JHY: variants seen among roughly 807,000 people sequenced by gnomAD.
The protein encoded by JHY is junctional cadherin complex regulator.
JHY carries 69 observed loss-of-function variants against 78.0 expected under a neutral mutation model. The observed-to-expected ratio is 0.88, with a 90% CI of 0.73 to 1.08. JHY has a LOEUF of 1.08. JHY is among the 50% of genes least tolerant of loss of function. The probability of loss-of-function intolerance (pLI) is 0.00; values close to 1 mark genes in which losing one functional copy is unlikely to be tolerated. For missense variants in JHY, 944 were observed against 927.8 expected, an observed-to-expected ratio of 1.02 and a Z score of -0.23; for synonymous variants, 368 against 342.6, an observed-to-expected ratio of 1.07 and a Z score of -0.82.
chr11:122,949,994 C>T lies in JHY; in HGVS notation c.1929+3202C>T, dbSNP rs539735958. Reference sequence around the variant, plus strand: ...GATTACAGGCGCACACCACTACACCCGGCTGATTTTTGTATTTTTAGTAGA... The same window carrying T: ...GATTACAGGCGCACACCACTACACCTGGCTGATTTTTGTATTTTTAGTAGA... On this transcript the variant is annotated intron_variant, in intron 6 of 8. Coordinates refer to ENST00000227349, the MANE Select transcript of JHY (RefSeq NM_024806.4). Among the ~76,000 whole-genome samples, 9 of 152,032 alleles carry T rather than the reference C, an allele frequency of 5.9e-5. No individual in the cohort carries two copies. In the South Asian group the frequency reaches 6.2e-4, roughly 11 times the overall value.
intron 3 of JHY, among the ~76,000 whole-genome samples, chr11:122,915,194 C>T (rs957951895): frequency 2.0e-5 from 3 of 152,080 alleles, no homozygotes; most frequent in Admixed American, 6.6e-5. Flanking sequence ...CATATTGCAC[C>T]GTTCTGTAGT....
chr11:122,926,200 A>AAAG (rs1863497566), intron 4 of JHY, among the ~76,000 whole-genome samples: 3 of 90,382 alleles, frequency 3.3e-5, no homozygotes. Context: ...AAAAAAAAAA[A>AAAG]AAAAAAGAAA....
chr11:122,908,064 T>C (rs1863033025), intron 3 of JHY, among the ~76,000 whole-genome samples: 1 of 152,172 alleles, frequency 6.6e-6, no homozygotes, highest in African/African-American at 2.4e-5. Context: ...ATTCCCTAGA[T>C]GAACCACTGA....
chr11:122,939,756 T>G (rs1863834008), intron 5 of JHY, among the ~76,000 whole-genome samples: 1 of 152,162 alleles, frequency 6.6e-6, no homozygotes, highest in South Asian at 2.1e-4. Flanking sequence ...TTTCTATCTA[T>G]TTACTGAATC....
chr11:122,898,033 T>C lies in JHY; in HGVS notation c.345-5892T>C, dbSNP rs1347433092. Among the ~76,000 whole-genome samples, 1 of 152,248 alleles carries C rather than the reference T, an allele frequency of 6.6e-6. No individual in the cohort carries two copies. The highest frequency in any genetic ancestry group is 1.9e-4 in the East Asian group (1 of 5,204). On this transcript the variant is annotated intron_variant, in intron 2 of 8. Coordinates refer to ENST00000227349, the MANE Select transcript of JHY (RefSeq NM_024806.4). The surrounding 1 kb of genome is among the most constrained non-coding windows in gnomAD (Gnocchi z 4.4). ...TGGAAATAAGAGGCTAACATATTTT[T>C]GTGATAAGTCACATCCTCCTGTTTT...
At position 122,886,000 on chromosome 11, in the gene JHY, A is replaced by G. The variant is rs1450088689; in HGVS notation, c.151A>G (p.Thr51Ala). Residue 51 changes from threonine (T) to alanine (A), a missense_variant, in exon 2 of 9, where the codon ACG (threonine) becomes GCG (alanine). Physicochemically the swap from Thr to Ala is moderately conservative, Grantham distance 58. Coordinates refer to ENST00000227349, the MANE Select transcript of JHY (RefSeq NM_024806.4). ...DSLESDSESLTQEIMCHSEFD... is the reference protein window; with the variant it reads ...DSLESDSESLAQEIMCHSEFD... Reference sequence around the variant, plus strand: ...CTTGGAATCTGATTCAGAAAGCCTCACGCAAGAGATTATGTGCCATTCTGA... The same window carrying G: ...CTTGGAATCTGATTCAGAAAGCCTCGCGCAAGAGATTATGTGCCATTCTGA... 5 of 1,614,202 alleles carry G rather than the reference A, an allele frequency of 3.1e-6. No homozygotes were observed. The highest frequency in any genetic ancestry group is 4.2e-6 in the Non-Finnish European group (5 of 1,180,026).
chr11:122,901,280 A>G (rs3134399), intron 2 of JHY, among the ~76,000 whole-genome samples: 145,669 of 152,292 alleles, frequency 0.96, 69,716 homozygotes, highest in Middle Eastern at 0.99. Context: ...AGGACTGTAC[A>G]TTTCTCTGGG....
chr11:122,906,939 A>G (rs930573161), intron 3 of JHY, among the ~76,000 whole-genome samples: 1 of 152,146 alleles, frequency 6.6e-6, no homozygotes, highest in African/African-American at 2.4e-5. Flanking sequence ...ACCATTTTCC[A>G]ATATATATGT....
intron 3 of JHY, among the ~76,000 whole-genome samples, chr11:122,911,905 C>CAAAAAAAAAAA (rs59941995): frequency 2.0e-4 from 10 of 49,736 alleles, no homozygotes; most frequent in South Asian, 1.5e-3. Flanking sequence ...AACTCTGTCT[C>CAAAAAAAAAAA]AAAAAAAAAA....
chr11:122,913,974 T>G (rs1431135293), intron 3 of JHY, among the ~76,000 whole-genome samples: 2 of 152,248 alleles, frequency 1.3e-5, no homozygotes, highest in Non-Finnish European at 2.9e-5. Flanking sequence ...ACTTGTGCTG[T>G]TAAACACTGG....
chr11:122,892,415 T>C (rs1862640083), intron 2 of JHY, among the ~76,000 whole-genome samples: 2 of 151,804 alleles, frequency 1.3e-5, no homozygotes, highest in South Asian at 4.2e-4. Flanking sequence ...CTCCGCCTCC[T>C]GGGTTCAAGC....
chr11:122,924,696 C>T (rs745613062), intron 3 of JHY, among the ~76,000 whole-genome samples: 1 of 152,152 alleles, frequency 6.6e-6, no homozygotes, highest in Non-Finnish European at 1.5e-5. Flanking sequence ...CTCTTCGTGT[C>T]TGCAAGAGAA....
intron 1 of JHY, among the ~76,000 whole-genome samples, chr11:122,885,325 A>G (rs1257842666): frequency 6.6e-6 from 1 of 152,166 alleles, no homozygotes; most frequent in African/African-American, 2.4e-5. Context: ...TTACTTTCCA[A>G]AACATAGCCC....
At chr11:122,956,784 C>A (rs1398162628) in intron 7 of JHY, among the ~76,000 whole-genome samples, 2 of 152,180 alleles carry the variant, frequency 1.3e-5, no homozygotes, top group East Asian at 3.9e-4. Flanking sequence ...TTTTATGTAT[C>A]TGTCTTTCAG....
At position 122,889,940 on chromosome 11, in the gene JHY, T is replaced by A. The variant is rs559724605; in HGVS notation, c.344+3747T>A. Among the ~76,000 whole-genome samples the A allele has an allele frequency of 9.9e-5, 15 of 152,108 alleles. No individual in the cohort carries two copies. In the East Asian group the frequency reaches 2.5e-3, roughly 25 times the overall value. On this transcript the variant is annotated intron_variant, in intron 2 of 8. Coordinates refer to ENST00000227349, the MANE Select transcript of JHY (RefSeq NM_024806.4). ...TTTTCTACTTTTAGTAGAGATGGGG[T>A]CTTACCACATTGCCCAGGCTGTCCT...
chr11:122,885,765 C>A lies in JHY; in HGVS notation c.-85C>A, dbSNP rs1383291994. The A allele has an allele frequency of 9.5e-6, 10 of 1,052,818 alleles. No individual in the cohort carries two copies. The highest frequency in any genetic ancestry group is 1.4e-5 in the Non-Finnish European group (10 of 720,318). The allele number at this position is 1,052,818 out of a possible 1,614,324, so 65.2% of individuals were successfully genotyped here. A position where few individuals can be genotyped will look rare whatever the true frequency, so the allele number is the denominator to read the frequency against. ...CATAAATATATTTTTTTTCAGGTAA[C>A]GCTTTTGTGAACCACAACTTTAAAT... is the stretch of plus-strand genomic sequence containing the variant. On this transcript the variant is annotated 5_prime_UTR_variant, in exon 2 of 9. Transcript: ENST00000227349.
chr11:122,931,671 C>G (rs1863639355), intron 4 of JHY, among the ~76,000 whole-genome samples: 1 of 152,200 alleles, frequency 6.6e-6, no homozygotes, highest in African/African-American at 2.4e-5. Context: ...GCACAACTCT[C>G]AGGACTCCAC....
intron 3 of JHY, among the ~76,000 whole-genome samples, chr11:122,919,453 A>G (rs748715521): frequency 3.3e-5 from 5 of 152,058 alleles, no homozygotes; most frequent in African/African-American, 7.2e-5. Context: ...ACCTAGAGAC[A>G]ATGGTGCCCC....
chr11:122,921,205 G>A (rs1231428209), intron 3 of JHY, among the ~76,000 whole-genome samples: 3 of 152,194 alleles, frequency 2.0e-5, no homozygotes, highest in Non-Finnish European at 4.4e-5. Flanking sequence ...TCTGGAATAG[G>A]AAGCGTGGGA....
Sources: gnomAD v4.1 joint callset for allele counts (sites outside exome capture counted in the v4.1 genomes callset) on GRCh38, gnomAD v4.1.1 for gene constraint, Gnocchi (gnomAD v3.1) non-coding constraint, MANE v1.5 for transcripts, NCBI Gene and HGNC (gene_info 2026-07-23, HGNC 2026-07-21) for gene names.